PTPRZ1: variants seen among roughly 807,000 people sequenced by gnomAD.
The protein encoded by PTPRZ1 is receptor-type tyrosine-protein phosphatase zeta.
Under a neutral mutation model 214.1 loss-of-function variants are expected in PTPRZ1, and 82 were observed. That is an observed-to-expected ratio of 0.38 (90% CI 0.32 to 0.46). The LOEUF (loss-of-function observed/expected upper bound fraction) is 0.46, where lower values mean the gene tolerates loss of function less well. PTPRZ1 is among the 20% of genes least tolerant of loss of function. PTPRZ1 has a pLI of 1.00. For synonymous variants in PTPRZ1, 945 were observed against 987.9 expected (o/e 0.96, Z 0.81); for missense variants, 2,603 against 2,748.7 (o/e 0.95, Z 1.19).
At chr7:121,939,429 C>A (rs1796179911) in intron 2 of PTPRZ1, among the ~76,000 whole-genome samples, 3 of 152,058 alleles carry the variant, frequency 2.0e-5, no homozygotes. Context: ...ATTAGCATAT[C>A]TAGGAAGTAA....
chr7:121,962,838 A>T (rs1312892736), intron 2 of PTPRZ1, among the ~76,000 whole-genome samples: 1 of 152,110 alleles, frequency 6.6e-6, no homozygotes, highest in African/African-American at 2.4e-5. Context: ...TGCTGGGATT[A>T]CAGGTGTGAG....
At chr7:122,055,822 T>A (rs1005301500) in intron 27 of PTPRZ1, among the ~76,000 whole-genome samples, 1 of 151,870 alleles carries the variant, frequency 6.6e-6, no homozygotes, top group Non-Finnish European at 1.5e-5. Flanking sequence ...AAAGATTAAA[T>A]CATGTTCCAA....
At chr7:121,976,049 A>G in intron 4 of PTPRZ1, 124 bp from the exon 5 acceptor site, 1 of 549,162 alleles carries the variant, frequency 1.8e-6, no homozygotes, top group South Asian at 3.8e-5. Flanking sequence ...GGTAAATGAT[A>G]GCAAATGTAG....
intron 1 of PTPRZ1, among the ~76,000 whole-genome samples, chr7:121,909,848 G>A (rs1401771629): frequency 1.3e-5 from 2 of 152,176 alleles, no homozygotes; most frequent in Non-Finnish European, 2.9e-5. Flanking sequence ...AATTGAAAAT[G>A]TGACCTGTGG....
intron 1 of PTPRZ1, among the ~76,000 whole-genome samples, chr7:121,924,699 G>C (rs1795705820): frequency 6.6e-6 from 1 of 152,112 alleles, no homozygotes; most frequent in South Asian, 2.1e-4. Context: ...TCAATAAAAT[G>C]CTTGTTAAAT....
At chr7:122,035,406 G>A (rs1799506086) in intron 17 of PTPRZ1, among the ~76,000 whole-genome samples, 2 of 152,134 alleles carry the variant, frequency 1.3e-5, no homozygotes, top group South Asian at 4.1e-4. Context: ...AAAATTATTA[G>A]ACTTTCCTCT....
chr7:121,884,352 A>G (rs1794335198), intron 1 of PTPRZ1, among the ~76,000 whole-genome samples: 1 of 152,210 alleles, frequency 6.6e-6, no homozygotes, highest in African/African-American at 2.4e-5. Flanking sequence ...AAATGCATAT[A>G]TGTAAGTGCA....
intron 1 of PTPRZ1, among the ~76,000 whole-genome samples, chr7:121,905,587 C>G (rs1795090714): frequency 6.6e-6 from 1 of 151,326 alleles, no homozygotes; most frequent in Non-Finnish European, 1.5e-5. Flanking sequence ...GAAAGTTAAT[C>G]TGAAGTACAT....
chr7:121,952,880 T>A (rs957486281), intron 2 of PTPRZ1, among the ~76,000 whole-genome samples: 1 of 152,106 alleles, frequency 6.6e-6, no homozygotes, highest in Non-Finnish European at 1.5e-5. Flanking sequence ...TTACTTATAC[T>A]AAAACACATA....
chr7:122,046,078 A>C (rs1317807561), intron 23 of PTPRZ1, among the ~76,000 whole-genome samples: 1 of 152,210 alleles, frequency 6.6e-6, no homozygotes, highest in Admixed American at 6.5e-5. Flanking sequence ...AAAATAAATA[A>C]ATAAAGCACA....
intron 23 of PTPRZ1, among the ~76,000 whole-genome samples, chr7:122,048,713 GC>G (rs1792077722): frequency 6.6e-6 from 1 of 151,958 alleles, no homozygotes; most frequent in African/African-American, 2.4e-5. Context: ...ATTTAACTAG[GC>G]CAATAGCCAT....
At chr7:121,903,985 C>CACACAA (rs1795046333) in intron 1 of PTPRZ1, among the ~76,000 whole-genome samples, 1 of 152,006 alleles carries the variant, frequency 6.6e-6, no homozygotes, top group Non-Finnish European at 1.5e-5. Flanking sequence ...CACACACACA[C>CACACAA]ACACACACAC....
At chr7:121,918,723 A>ATATTTTTCAT in intron 1 of PTPRZ1, among the ~76,000 whole-genome samples, 2 of 152,180 alleles carry the variant, frequency 1.3e-5, no homozygotes, top group Admixed American at 1.3e-4. Flanking sequence ...ATATTTGGAA[A>ATATTTTTCAT]ACCTGAAAAC....
chr7:121,888,245 C>T (rs570157454), intron 1 of PTPRZ1, among the ~76,000 whole-genome samples: 3 of 151,656 alleles, frequency 2.0e-5, no homozygotes, highest in East Asian at 1.9e-4. Flanking sequence ...TGTCAAGAAT[C>T]GAATCAATTT....
rs61732004 is a variant in PTPRZ1, at chr7:122,013,862, T to G, written c.4816T>G (p.Ser1606Ala). The change falls in exon 12 of 30, where the codon TCA becomes GCA. Residue 1606 changes from serine to alanine, a missense_variant. By Grantham distance (99) the Ser-to-Ala change is moderately conservative. Coordinates refer to ENST00000393386, the MANE Select transcript of PTPRZ1 (RefSeq NM_002851.3). ...AACATCATCTGTTACTAGCGAGAAC[T>G]CAGAAGTGTTCCACGTTTCAGAGGC... ...SPTSSVTSEN[S>A]EVFHVSEAEA... is the part of the protein sequence containing the mutation. 9.5e-4 allele frequency: 1,534 copies of G among 1,611,002 alleles called. 10 individuals carry two copies. The African/African-American group carries it at 0.019, about 20-fold the overall frequency.
At chr7:122,041,477 A>G (rs73440950) in intron 21 of PTPRZ1, among the ~76,000 whole-genome samples, 6 of 147,902 alleles carry the variant, frequency 4.1e-5, no homozygotes, top group African/African-American at 7.4e-5. Context: ...TCCCTTTTTC[A>G]TTTTCTTGAG....
At chr7:122,042,462 C>A in intron 21 of PTPRZ1, 146 bp from the exon 22 acceptor site, 1 of 717,404 alleles carries the variant, frequency 1.4e-6, no homozygotes, top group Non-Finnish European at 2.1e-6. Context: ...AAACTGTTTA[C>A]AATATTGAAT....
At chr7:121,976,365 G>A in intron 5 of PTPRZ1, 97 bp downstream of exon 5, 1 of 770,026 alleles carries the variant, frequency 1.3e-6, no homozygotes, top group Non-Finnish European at 2.0e-6. Context: ...AAAGAGAGGA[G>A]CTCACAAGTA....
At chr7:121,918,020 A>G (rs1795475282) in intron 1 of PTPRZ1, among the ~76,000 whole-genome samples, 1 of 152,124 alleles carries the variant, frequency 6.6e-6, no homozygotes, top group Non-Finnish European at 1.5e-5. Flanking sequence ...TCTTGGGAAT[A>G]AAGGTTTCTT....
Sources: gnomAD v4.1 joint callset for allele counts (sites outside exome capture counted in the v4.1 genomes callset) on GRCh38, gnomAD v4.1.1 for gene constraint, MANE v1.5 for transcripts, NCBI Gene and HGNC (gene_info 2026-07-23, HGNC 2026-07-21) for gene names.